The following PTPRD variants were observed in gnomAD, a reference collection of about 807,000 sequenced individuals.
PTPRD encodes receptor-type tyrosine-protein phosphatase delta.
A neutral mutation model predicts 214.5 loss-of-function variants in PTPRD; 34 were observed. The observed-to-expected ratio is 0.16, with a 90% CI of 0.12 to 0.21. The LOEUF (loss-of-function observed/expected upper bound fraction) is 0.21. Ranked by LOEUF, PTPRD falls within the 10% of genes least tolerant of loss-of-function variation. The probability of loss-of-function intolerance (pLI) is 1.00; values close to 1 mark genes in which losing one functional copy is unlikely to be tolerated. For synonymous variants in PTPRD, 1,128 were observed against 845.7 expected (o/e 1.33, Z -5.79); for missense variants, 2,545 against 2,398.7 (o/e 1.06, Z -1.27).
rs913082556 is a variant in PTPRD, at chr9:8,316,675, GACTA to G, written c.*1195_*1198del. The G allele has an allele frequency of 2.7e-4, 62 of 230,908 alleles. No homozygotes were observed. Among genetic ancestry groups the G allele is most frequent in the African/African-American group, 9.9e-4 (45 of 45,234 alleles). The allele number at this position is 230,908 out of a possible 1,614,324, so 14.3% of individuals were successfully genotyped here. On this transcript the variant is annotated 3_prime_UTR_variant, in exon 46 of 46. Transcript: ENST00000381196. ...AAATATTGAACTTTGTTGGAAGCCT[GACTA>G]ACAAACAAACAAAACAATTTGTGGA...
chr9:9,116,098 A>G lies in PTPRD; in HGVS notation c.-143+67206T>C, dbSNP rs529449340. On this transcript the variant is annotated intron_variant, in intron 10 of 45. Coordinates refer to ENST00000381196, the MANE Select transcript of PTPRD (RefSeq NM_002839.4). Reference sequence around the variant, plus strand: ...GAGGGGAAGGGTTGAAAAATGACCTATTGGGTACTATGCTCACTACCTGGG... The same window carrying G: ...GAGGGGAAGGGTTGAAAAATGACCTGTTGGGTACTATGCTCACTACCTGGG... 2.0e-4 allele frequency among the ~76,000 whole-genome samples: 31 copies of G among 152,164 alleles called. No homozygotes were observed. The South Asian group carries it at 6.2e-3, about 31-fold the overall frequency.
intron 8 of PTPRD, among the ~76,000 whole-genome samples, chr9:9,557,505 C>G (rs532604891): frequency 6.6e-6 from 1 of 152,258 alleles, no homozygotes; most frequent in African/African-American, 2.4e-5. Flanking sequence ...AATCTACATG[C>G]TATAGAGAAA....
At chr9:9,310,449 G>C (rs1463522295) in intron 9 of PTPRD, among the ~76,000 whole-genome samples, 1 of 152,096 alleles carries the variant, frequency 6.6e-6, no homozygotes, top group South Asian at 2.1e-4. Flanking sequence ...CTATCTACAA[G>C]TGAAAGGTGC....
Position 10,146,115 on chromosome 9 carries a change from T to C in PTPRD, c.-544-112325A>G, listed in dbSNP as rs1288088588. On this transcript the variant is annotated intron_variant, in intron 3 of 45. Coordinates refer to ENST00000381196, the MANE Select transcript of PTPRD (RefSeq NM_002839.4). The stretch of plus-strand genomic sequence containing the variant: ...CTTATGTCTTATTTTCTTAGTTTCC[T>C]CTCAGCCCAAAGCTAAAAATTAAGT... Among the ~76,000 whole-genome samples the C allele has an allele frequency of 6.6e-5, 10 of 150,732 alleles. No homozygotes were observed. The East Asian group carries it at 2.0e-3, about 29-fold the overall frequency.
chr9:8,937,598 G>C (rs575384089), intron 11 of PTPRD, among the ~76,000 whole-genome samples: 4 of 152,088 alleles, frequency 2.6e-5, no homozygotes, highest in Non-Finnish European at 5.9e-5. Flanking sequence ...CACCTCTACA[G>C]CTTTGCATTG....
chr9:8,466,288 C>G (rs2096543039), intron 31 of PTPRD, among the ~76,000 whole-genome samples: 1 of 151,882 alleles, frequency 6.6e-6, no homozygotes, highest in Non-Finnish European at 1.5e-5. Context: ...TTAGGGTGCA[C>G]TTCCTTACAC....
At chr9:9,569,493 A>G (rs1251531849) in intron 8 of PTPRD, among the ~76,000 whole-genome samples, 2 of 151,744 alleles carry the variant, frequency 1.3e-5, no homozygotes, top group African/African-American at 4.8e-5. Flanking sequence ...TTTTATTGCT[A>G]CCAGAATTAA....
chr9:9,796,709 C>T (rs923980925), intron 5 of PTPRD, among the ~76,000 whole-genome samples: 1 of 151,978 alleles, frequency 6.6e-6, no homozygotes, highest in African/African-American at 2.4e-5. Context: ...AAGGTAAAGT[C>T]GGAAAGGACT....
At chr9:9,816,990 C>A (rs2761744) in intron 5 of PTPRD, among the ~76,000 whole-genome samples, 66,739 of 151,682 alleles carry the variant, frequency 0.44, 17,017 homozygotes, top group African/African-American at 0.71. Flanking sequence ...ATTTTATATA[C>A]GTAACTACAG....
rs75008072 is a variant in PTPRD, at chr9:9,570,233, C to T, written c.-237+4499G>A. Among the ~76,000 whole-genome samples, 30 of 151,540 alleles carry T rather than the reference C, an allele frequency of 2.0e-4. No individual in the cohort carries two copies. In the South Asian group the frequency reaches 2.7e-3, roughly 14 times the overall value. Reference sequence around the variant, plus strand: ...TTATTATTATTATTTGGACTTCAAACGGTGTTTGTGACTTCAGATTAGACT... The same window carrying T: ...TTATTATTATTATTTGGACTTCAAATGGTGTTTGTGACTTCAGATTAGACT... On this transcript the variant is annotated intron_variant, in intron 8 of 45. Transcript: ENST00000381196.
At chr9:8,559,770 T>A (rs1332741261) in intron 14 of PTPRD, among the ~76,000 whole-genome samples, 1 of 152,192 alleles carries the variant, frequency 6.6e-6, no homozygotes, top group Non-Finnish European at 1.5e-5. Flanking sequence ...AGTTTAGCTC[T>A]CACAGCTTTA....
At chr9:9,869,928 TG>T (rs1432723687) in intron 5 of PTPRD, among the ~76,000 whole-genome samples, 1 of 151,958 alleles carries the variant, frequency 6.6e-6, no homozygotes, top group Non-Finnish European at 1.5e-5. Flanking sequence ...CATTAAGCAA[TG>T]GTTGCTAATT....
At chr9:8,668,746 C>T (rs558405030) in intron 12 of PTPRD, among the ~76,000 whole-genome samples, 7 of 152,222 alleles carry the variant, frequency 4.6e-5, no homozygotes, top group African/African-American at 1.2e-4. Context: ...AATTAAAACT[C>T]GAATCTTTAC....
In PTPRD at chr9:10,376,560, A is replaced by G. The variant is rs565095922; in HGVS notation, c.-599-35543T>C. 7.9e-5 allele frequency among the ~76,000 whole-genome samples: 12 copies of G among 151,910 alleles called. No individual in the cohort carries two copies. In the South Asian group the frequency reaches 2.5e-3, roughly 31 times the overall value. ...ACCAGTTGATTGGAGGAAAGCAATTATTACTGGAATTAAGACAGGCAGAAA... is the reference window on the plus strand; with the variant it reads ...ACCAGTTGATTGGAGGAAAGCAATTGTTACTGGAATTAAGACAGGCAGAAA... On this transcript the variant is annotated intron_variant, in intron 2 of 45. Coordinates refer to ENST00000381196, the MANE Select transcript of PTPRD (RefSeq NM_002839.4).
chr9:9,132,584 A>AT (rs1491399411), intron 10 of PTPRD, among the ~76,000 whole-genome samples: 1 of 152,218 alleles, frequency 6.6e-6, no homozygotes, highest in African/African-American at 2.4e-5. Flanking sequence ...CTTTGGAGAC[A>AT]TAGTATTCTC....
At chr9:9,942,283 T>C (rs781723960) in intron 4 of PTPRD, among the ~76,000 whole-genome samples, 1 of 152,164 alleles carries the variant, frequency 6.6e-6, no homozygotes, top group Non-Finnish European at 1.5e-5. Context: ...TCTTACATTT[T>C]TCACTTAAAG....
chr9:10,281,684 C>T (rs936176421), intron 3 of PTPRD, among the ~76,000 whole-genome samples: 1 of 152,120 alleles, frequency 6.6e-6, no homozygotes, highest in Non-Finnish European at 1.5e-5. Flanking sequence ...CTATTTTATA[C>T]TAAAATTGTT....
At chr9:9,361,502 C>T (rs1442489715) in intron 9 of PTPRD, among the ~76,000 whole-genome samples, 1 of 150,848 alleles carries the variant, frequency 6.6e-6, no homozygotes, top group Admixed American at 6.6e-5. Flanking sequence ...TCTTTACTGC[C>T]AGATTCAATT....
At chr9:10,158,949 T>C (rs900680578) in intron 3 of PTPRD, among the ~76,000 whole-genome samples, 13 of 152,104 alleles carry the variant, frequency 8.5e-5, no homozygotes, top group African/African-American at 3.1e-4. Flanking sequence ...TCTATAACTC[T>C]TTCAAAGGAG....
Sources: gnomAD v4.1 joint callset for allele counts (sites outside exome capture counted in the v4.1 genomes callset) on GRCh38, gnomAD v4.1.1 for gene constraint, MANE v1.5 for transcripts, NCBI Gene and HGNC (gene_info 2026-07-23, HGNC 2026-07-21) for gene names.